RANBP2: variants seen among roughly 807,000 people sequenced by gnomAD.
The protein encoded by RANBP2 is E3 SUMO-protein ligase RanBP2.
In RANBP2, 57 loss-of-function variants were observed where a neutral mutation model predicts 303.6. The ratio of observed to expected loss-of-function variants is 0.19; its 90% confidence interval spans 0.15 to 0.23. The LOEUF is 0.23. Ranked by LOEUF, RANBP2 falls within the 10% of genes least tolerant of loss-of-function variation. The probability of loss-of-function intolerance (pLI) is 1.00; values close to 1 mark genes in which losing one functional copy is unlikely to be tolerated. For missense variants in RANBP2, 3,138 were observed against 3,780.8 expected (o/e 0.83, Z 4.46); for synonymous variants, 1,167 against 1,301.5 (o/e 0.90, Z 2.23).
At chr2:108,810,234 A>C in the RANBP2 span, among the ~76,000 whole-genome samples, 1 of 152,222 alleles carries the variant, frequency 6.6e-6, no homozygotes, top group Admixed American at 6.5e-5. Flanking sequence ...TCTTAGAGGA[A>C]AAATTTTCAG....
the RANBP2 span, among the ~76,000 whole-genome samples, chr2:109,453,098 G>A: frequency 2.0e-5 from 3 of 152,174 alleles, no homozygotes; most frequent in Non-Finnish European, 4.4e-5. Flanking sequence ...GATGTGGTGT[G>A]CAGGCCTCTG....
the RANBP2 span, among the ~76,000 whole-genome samples, chr2:109,362,147 A>G: frequency 6.6e-6 from 1 of 151,930 alleles, no homozygotes; most frequent in African/African-American, 2.4e-5. Context: ...CCTAAAGTGA[A>G]GATTTAGATT....
the RANBP2 span, among the ~76,000 whole-genome samples, chr2:109,532,981 C>T: frequency 6.6e-6 from 1 of 152,246 alleles, no homozygotes; most frequent in African/African-American, 2.4e-5. Context: ...CCCTGGGATA[C>T]AGCAGTGAAC....
Position 108,755,323 on chromosome 2 carries a change from C to T in RANBP2, c.2466+64C>T, listed in dbSNP as rs558136445. 4.4e-6 allele frequency: 7 copies of T among 1,608,360 alleles called. No individual in the cohort carries two copies. In the African/African-American group the frequency reaches 6.7e-5, roughly 15 times the overall value. ...AAGATTCCTTCCCTGGCCACTCTCT[C>T]ACTTTTTTTCTGAAGCTGGTCAGAA... On this transcript the variant is annotated intron_variant, in intron 17 of 28. Transcript: ENST00000283195.
At chr2:109,323,287 A>G in the RANBP2 span, among the ~76,000 whole-genome samples, 1 of 152,222 alleles carries the variant, frequency 6.6e-6, no homozygotes, top group African/African-American at 2.4e-5. Flanking sequence ...TGACTGGCAC[A>G]GGGGCAAGTG....
At chr2:108,868,445 C>G in the RANBP2 span, among the ~76,000 whole-genome samples, 1 of 152,252 alleles carries the variant, frequency 6.6e-6, no homozygotes, top group Non-Finnish European at 1.5e-5. Context: ...AAATTTGTTT[C>G]AAGAAATAAC....
chr2:109,078,232 ATATATATATAGCGTG>A, the RANBP2 span, among the ~76,000 whole-genome samples: 125 of 48,900 alleles, frequency 2.6e-3, 7 homozygotes, highest in African/African-American at 8.8e-3. Flanking sequence ...TAGCGTGTAT[ATATATATATAGCGTG>A]TATATATATA....
chr2:109,050,754 C>A, the RANBP2 span, among the ~76,000 whole-genome samples: 1 of 151,454 alleles, frequency 6.6e-6, no homozygotes, highest in Non-Finnish European at 1.5e-5. Flanking sequence ...TCTTACAATA[C>A]TAGAAAATGT....
chr2:109,468,183 G>A, the RANBP2 span, among the ~76,000 whole-genome samples: 6 of 152,336 alleles, frequency 3.9e-5, no homozygotes, highest in South Asian at 1.2e-3. Context: ...AACCTAGATG[G>A]CACAGCCTGT....
chr2:109,586,100 T>C, the RANBP2 span, among the ~76,000 whole-genome samples: 1 of 152,224 alleles, frequency 6.6e-6, no homozygotes, highest in South Asian at 2.1e-4. Context: ...ATTTCCAAAA[T>C]AGGAAAATAT....
the RANBP2 span, among the ~76,000 whole-genome samples, chr2:108,833,462 G>T: frequency 1.3e-5 from 2 of 152,184 alleles, no homozygotes; most frequent in Non-Finnish European, 2.9e-5. Flanking sequence ...AGAGTAGGCA[G>T]GTTTTCCAAG....
the RANBP2 span, among the ~76,000 whole-genome samples, chr2:109,301,232 C>T: frequency 6.6e-6 from 1 of 152,068 alleles, no homozygotes; most frequent in African/African-American, 2.4e-5. Flanking sequence ...TTGCTGATCT[C>T]TGTGCACCGG....
the RANBP2 span, among the ~76,000 whole-genome samples, chr2:109,318,462 G>A: frequency 1.3e-5 from 2 of 152,170 alleles, no homozygotes; most frequent in Non-Finnish European, 2.9e-5. Flanking sequence ...GGTGGCTCTC[G>A]GCATACGCGT....
the RANBP2 span, among the ~76,000 whole-genome samples, chr2:109,316,056 T>G: frequency 6.6e-6 from 1 of 152,048 alleles, no homozygotes; most frequent in Non-Finnish European, 1.5e-5. Flanking sequence ...TATTTAGAGA[T>G]TAGATGTGGT....
chr2:109,186,325 A>G, the RANBP2 span, among the ~76,000 whole-genome samples: 2 of 152,206 alleles, frequency 1.3e-5, no homozygotes, highest in African/African-American at 2.4e-5. Flanking sequence ...CATTATCCCC[A>G]TCCTGCAGAT....
At chr2:109,540,529 T>C in the RANBP2 span, among the ~76,000 whole-genome samples, 1 of 152,030 alleles carries the variant, frequency 6.6e-6, no homozygotes, top group African/African-American at 2.4e-5. Context: ...GTTCTCTTAA[T>C]ATACTGAAAA....
chr2:109,153,884 G>A, the RANBP2 span, among the ~76,000 whole-genome samples: 2 of 152,174 alleles, frequency 1.3e-5, no homozygotes, highest in African/African-American at 2.4e-5. Context: ...ATTAGCAGTC[G>A]GGACTTGCTA....
chr2:109,347,525 C>A, the RANBP2 span: 2 of 1,091,464 alleles, frequency 1.8e-6, no homozygotes, highest in African/African-American at 3.2e-5. Context: ...CAGGCTGTTT[C>A]TTTAAAATAT....
Position 108,782,160 on chromosome 2 carries a change from A to G in RANBP2, c.8793A>G (p.Glu2931=). The change falls in exon 27 of 29, where the codon GAA becomes GAG. Residue 2931 remains glutamate (E), a synonymous_variant. Coordinates refer to ENST00000283195, the MANE Select transcript of RANBP2 (RefSeq NM_006267.5). ...VEVKSGEEDE[E]ILFKERAKLY... ...TAAAATCTGGAGAAGAAGATGAAGA[A>G]ATTTTGTTTAAAGAGAGAGCCAAAC... 6.2e-7 allele frequency: 1 copy of G among 1,614,166 alleles called. No homozygotes were observed.
Sources: allele counts gnomAD v4.1 joint callset (sites outside exome capture counted in the v4.1 genomes callset), GRCh38; gene constraint gnomAD v4.1.1; transcripts MANE v1.5; gene names NCBI Gene and HGNC (gene_info 2026-07-23, HGNC 2026-07-21).